Variants in RBP7 observed in about 807,000 individuals in gnomAD.
RBP7 encodes retinoid-binding protein 7.
A neutral mutation model predicts 16.7 loss-of-function variants in RBP7; 13 were observed. That is an observed-to-expected ratio of 0.78 (90% CI 0.51 to 1.24). The LOEUF (loss-of-function observed/expected upper bound fraction) is 1.24, where lower values mean the gene tolerates loss of function less well. RBP7 is among the 50% of genes most tolerant of loss of function. RBP7 has a pLI of 0.00. For missense variants in RBP7, 145 were observed against 159.5 expected, an observed-to-expected ratio of 0.91 and a Z score of 0.49; for synonymous variants, 54 against 56.2, an observed-to-expected ratio of 0.96 and a Z score of 0.17.
At chr1:9,999,411 G>T (rs1422114202) in intron 1 of RBP7, among the ~76,000 whole-genome samples, 1 of 152,108 alleles carries the variant, frequency 6.6e-6, no homozygotes, top group Admixed American at 6.6e-5. Context: ...AATTAGCTGG[G>T]CATGGTGGCG....
In RBP7 at chr1:9,997,307, T is replaced by G; in HGVS notation, c.49T>G (p.Phe17Val). 1 of 1,610,754 alleles carries G rather than the reference T, an allele frequency of 6.2e-7. No homozygotes were observed. Among genetic ancestry groups the G allele is most frequent in the East Asian group, 2.2e-5 (1 of 44,724 alleles). The change falls in exon 1 of 4, where the codon TTC (phenylalanine) becomes GTC (valine). Residue 17 changes from phenylalanine (F) to valine (V), a missense_variant. Coordinates refer to ENST00000294435, the MANE Select transcript of RBP7 (RefSeq NM_052960.3). The surrounding 1 kb of genome is among the most constrained non-coding windows in gnomAD (Gnocchi z 5.9). ...GTWTLLSSDN[F>V]EGYMLALGID... ...TTGGACCCTGCTCAGCAGCGACAACTTCGAGGGCTACATGCTGGCCCTAGG... is the reference window on the plus strand; with the variant it reads ...TTGGACCCTGCTCAGCAGCGACAACGTCGAGGGCTACATGCTGGCCCTAGG...
chr1:10,004,396 A>G (rs779037565), intron 1 of RBP7: 1 of 149,502 alleles, frequency 6.7e-6, no homozygotes, highest in South Asian at 2.1e-4. Context: ...TGATTTTGAG[A>G]TGGAGTTTCC....
chr1:9,998,602 G>A (rs1171167199), intron 1 of RBP7, among the ~76,000 whole-genome samples: 1 of 151,052 alleles, frequency 6.6e-6, no homozygotes. Flanking sequence ...TAGAAACGGG[G>A]TTTCACCATG....
chr1:9,997,431 T>A lies in RBP7; in HGVS notation c.73+100T>A. ...GGCCTGTAGGTACGTCCTCTGTCCGTGCCTCCGCCCTGCTGCGCCCACCGT... is the reference window on the plus strand; with the variant it reads ...GGCCTGTAGGTACGTCCTCTGTCCGAGCCTCCGCCCTGCTGCGCCCACCGT... On this transcript the variant is annotated intron_variant, in intron 1 of 3. Coordinates refer to ENST00000294435, the MANE Select transcript of RBP7 (RefSeq NM_052960.3). The surrounding 1 kb of genome is among the most constrained non-coding windows in gnomAD (Gnocchi z 5.9). 1 of 1,163,046 alleles carries A rather than the reference T, an allele frequency of 8.6e-7. No homozygotes were observed. The highest frequency in any genetic ancestry group is 1.3e-6 in the Non-Finnish European group (1 of 796,384). The allele number at this position is 1,163,046 out of a possible 1,614,324, so 72.0% of individuals were successfully genotyped here.
Position 10,005,297 on chromosome 1 carries a change from C to T in RBP7, c.74-2273C>T, listed in dbSNP as rs183774493. On this transcript the variant is annotated intron_variant, in intron 1 of 3. Transcript: ENST00000294435. ...CTCGACCTCAGCTCACTGCAACCTC[C>T]GCCTCCTGGGTTCAACTGATTCTCC... Among the ~76,000 whole-genome samples, 485 of 152,192 alleles carry T rather than the reference C, an allele frequency of 3.2e-3. 5 individuals carry two copies. Among genetic ancestry groups the T allele is most frequent in the African/African-American group, 0.011 (456 of 41,522 alleles).
chr1:10,000,522 AG>A (rs1642248485), intron 1 of RBP7, among the ~76,000 whole-genome samples: 1 of 151,980 alleles, frequency 6.6e-6, no homozygotes, highest in Admixed American at 6.6e-5. Flanking sequence ...CAACAGCATG[AG>A]ACTTGGTCTC....
At position 9,997,349 on chromosome 1, in the gene RBP7, C is replaced by T. The variant is rs1320071475; in HGVS notation, c.73+18C>T. ...GGCCCTAGGTAAGGCGGAGGGGAGG[C>T]GGCGGCGGCGCGAGGCTCGCCGTGG... is the stretch of plus-strand genomic sequence containing the variant. On this transcript the variant is annotated intron_variant, in intron 1 of 3. Transcript: ENST00000294435. The surrounding 1 kb of genome is among the most constrained non-coding windows in gnomAD (Gnocchi z 5.9). 5 of 1,604,818 alleles carry T rather than the reference C, an allele frequency of 3.1e-6. No individual in the cohort carries two copies. The African/African-American group carries it at 5.4e-5, about 17-fold the overall frequency.
At chr1:10,011,665 G>A (rs979501278) in intron 3 of RBP7, among the ~76,000 whole-genome samples, 63 of 152,168 alleles carry the variant, frequency 4.1e-4, no homozygotes, top group African/African-American at 1.4e-3. Context: ...CTAGAGCACT[G>A]TCCTTAAAGT....
At chr1:10,008,642 T>C (rs1289790865) in intron 3 of RBP7, among the ~76,000 whole-genome samples, 1 of 151,764 alleles carries the variant, frequency 6.6e-6, no homozygotes, top group East Asian at 2.0e-4. Context: ...GGTTTCACCA[T>C]GTTGGCCAGG....
chr1:10,015,709 A>T (rs1319252314), intron 3 of RBP7, 73 bp from the exon 4 acceptor site: 8 of 1,277,212 alleles, frequency 6.3e-6, no homozygotes, highest in Non-Finnish European at 9.1e-6. Flanking sequence ...ACACAATAAA[A>T]AATAAGTGTT....
intron 3 of RBP7, among the ~76,000 whole-genome samples, chr1:10,011,044 C>T (rs945516608): frequency 2.6e-5 from 4 of 152,022 alleles, no homozygotes; most frequent in African/African-American, 4.8e-5. Context: ...AAAGAAATTT[C>T]GCAGGATTAC....
intron 1 of RBP7, among the ~76,000 whole-genome samples, chr1:9,999,814 CTTTT>C (rs70998341): frequency 5.7e-5 from 6 of 105,844 alleles, no homozygotes; most frequent in South Asian, 2.9e-4. Context: ...CTGTAATACT[CTTTT>C]TTTTTTTTTT....
chr1:10,005,750 A>T lies in RBP7; in HGVS notation c.74-1820A>T, dbSNP rs542242845. On this transcript the variant is annotated intron_variant, in intron 1 of 3. Transcript: ENST00000294435. ...AGCTAATTTTTGTTTTTCAGTAGAG[A>T]TGGGGTTTTGCCATGTTGCCCAGGC... 9.9e-5 allele frequency among the ~76,000 whole-genome samples: 15 copies of T among 151,742 alleles called. No individual in the cohort carries two copies. In the East Asian group the frequency reaches 2.9e-3, roughly 29 times the overall value.
chr1:10,012,575 T>C (rs575422003), intron 3 of RBP7, among the ~76,000 whole-genome samples: 1 of 151,052 alleles, frequency 6.6e-6, no homozygotes, highest in Non-Finnish European at 1.5e-5. Flanking sequence ...GAAGATTGCT[T>C]GAGCCCAGGA....
chr1:10,002,555 A>G (rs1478697819), intron 1 of RBP7, among the ~76,000 whole-genome samples: 1 of 152,010 alleles, frequency 6.6e-6, no homozygotes, highest in Non-Finnish European at 1.5e-5. Flanking sequence ...GCTGGAGTGT[A>G]GTGGCACCAT....
chr1:9,998,057 C>A (rs1239458220), intron 1 of RBP7, among the ~76,000 whole-genome samples: 1 of 152,230 alleles, frequency 6.6e-6, no homozygotes. Flanking sequence ...CGCGGACTCT[C>A]AACTCACTGC....
At chr1:10,012,958 A>G (rs983583465) in intron 3 of RBP7, among the ~76,000 whole-genome samples, 42 of 151,656 alleles carry the variant, frequency 2.8e-4, no homozygotes, top group Non-Finnish European at 4.4e-4. Flanking sequence ...AAAAAAAAAA[A>G]AGAGAAATAC....
chr1:10,014,547 C>T (rs923120631), intron 3 of RBP7, among the ~76,000 whole-genome samples: 5 of 151,916 alleles, frequency 3.3e-5, no homozygotes, highest in South Asian at 2.1e-4. Flanking sequence ...CCACCACACC[C>T]GGCTAATTTT....
rs372218937 is a variant in RBP7 at position 10,015,448 on chromosome 1, CA to C, written c.355-317del. Reference sequence around the variant, plus strand: ...TGGGCTACAGAGTGAGACTCCATCTCAAAAAAAAAAAAAAAAAGACCAGCCT... The same window carrying C: ...TGGGCTACAGAGTGAGACTCCATCTCAAAAAAAAAAAAAAAAGACCAGCCT... On this transcript the variant is annotated intron_variant, in intron 3 of 3. Transcript: ENST00000294435. Among the ~76,000 whole-genome samples the C allele has an allele frequency of 6.3e-3, 593 of 94,740 alleles. 3 individuals carry two copies. Among genetic ancestry groups the C allele is most frequent in the Admixed American group, 0.016 (139 of 8,500 alleles). 62.2% of individuals were successfully genotyped at this position (94,740 alleles called of 152,430 possible). A position where few individuals can be genotyped will look rare whatever the true frequency, so the allele number is the denominator to read the frequency against.
Sources: gnomAD v4.1 joint callset for allele counts (sites outside exome capture counted in the v4.1 genomes callset) on GRCh38, gnomAD v4.1.1 for gene constraint, Gnocchi (gnomAD v3.1) non-coding constraint, MANE v1.5 for transcripts, NCBI Gene and HGNC (gene_info 2026-07-23, HGNC 2026-07-21) for gene names.